Variants in SCCPDH observed in about 807,000 individuals in gnomAD.
SCCPDH encodes the protein saccharopine dehydrogenase (putative), also known as saccharopine dehydrogenase-like oxidoreductase.
SCCPDH carries 34 observed loss-of-function variants against 51.5 expected under a neutral mutation model. The observed-to-expected ratio is 0.66, with a 90% confidence interval of 0.50 to 0.88. The LOEUF (loss-of-function observed/expected upper bound fraction) is 0.88. Among genes scored for constraint, SCCPDH ranks in the 40% least tolerant of loss-of-function variants. The pLI is 0.00. For missense variants in SCCPDH, 464 were observed against 527.1 expected (o/e 0.88, Z 1.17); for synonymous variants, 187 against 191.3 (o/e 0.98, Z 0.19).
intron 4 of SCCPDH, among the ~76,000 whole-genome samples, chr1:246,742,023 C>T (rs12143299): frequency 0.051 from 7,814 of 152,280 alleles, 263 homozygotes; most frequent in African/African-American, 0.077. Context: ...GAGCTGAGAT[C>T]GCGCTGTTGC....
intron 9 of SCCPDH, among the ~76,000 whole-genome samples, chr1:246,762,522 CA>C (rs1393755715): frequency 6.6e-6 from 1 of 152,142 alleles, no homozygotes; most frequent in Non-Finnish European, 1.5e-5. Context: ...ACTGCTTTGG[CA>C]GTGATTCTTA....
intron 3 of SCCPDH, among the ~76,000 whole-genome samples, chr1:246,737,785 T>A (rs1572295470): frequency 6.6e-6 from 1 of 151,648 alleles, no homozygotes; most frequent in Non-Finnish European, 1.5e-5. Context: ...AGTGACAGGG[T>A]TTCACCGTGT....
In SCCPDH at chr1:246,767,530, T is replaced by A. The variant is rs1669103951; in HGVS notation, c.*230T>A. ...CAGAGAACTCATATTTGACATATTTTTTTCATTGATGTGTTCCTGGTAGAT... is the reference window on the plus strand; with the variant it reads ...CAGAGAACTCATATTTGACATATTTATTTCATTGATGTGTTCCTGGTAGAT... On this transcript the variant is annotated 3_prime_UTR_variant, in exon 12 of 12. Coordinates refer to ENST00000366510, the MANE Select transcript of SCCPDH (RefSeq NM_016002.3). 3.5e-6 allele frequency: 1 copy of A among 284,588 alleles called. No individual in the cohort carries two copies. Among genetic ancestry groups the A allele is most frequent in the Admixed American group, 5.2e-5 (1 of 19,304 alleles). The allele number at this position is 284,588 out of a possible 1,614,324, so 17.6% of individuals were successfully genotyped here. A position where few individuals can be genotyped will look rare whatever the true frequency, so the allele number is the denominator to read the frequency against.
chr1:246,739,251 T>A (rs1269036762), intron 3 of SCCPDH, among the ~76,000 whole-genome samples: 7 of 152,176 alleles, frequency 4.6e-5, no homozygotes, highest in Admixed American at 4.6e-4. Flanking sequence ...TGGTAAATCA[T>A]GTTGACAGTG....
chr1:246,764,418 AT>A (rs1343231817), intron 10 of SCCPDH, 61 bp downstream of exon 10: 1 of 850,240 alleles, frequency 1.2e-6, no homozygotes, highest in African/African-American at 1.7e-5. Context: ...ATAAAGTACA[AT>A]GCCATTACAA....
At chr1:246,749,621 T>C (rs1018480246) in intron 5 of SCCPDH, among the ~76,000 whole-genome samples, 6 of 152,140 alleles carry the variant, frequency 3.9e-5, no homozygotes, top group African/African-American at 7.2e-5. Flanking sequence ...GTAAAATGAA[T>C]GTATGGTTTT....
intron 2 of SCCPDH, among the ~76,000 whole-genome samples, chr1:246,732,344 A>C (rs551607934): frequency 6.6e-6 from 1 of 152,168 alleles, no homozygotes; most frequent in East Asian, 1.9e-4. Flanking sequence ...AACTGAATTG[A>C]TAAAACTTGG....
chr1:246,731,766 A>T (rs976459489), intron 2 of SCCPDH, among the ~76,000 whole-genome samples: 7 of 152,148 alleles, frequency 4.6e-5, no homozygotes, highest in African/African-American at 1.7e-4. Context: ...CACAACATGC[A>T]GGCTCGTTAC....
rs747173513 is a variant in SCCPDH, at chr1:246,760,023, C to T, written c.880C>T (p.Leu294Phe). 6.2e-7 allele frequency: 1 copy of T among 1,613,670 alleles called. No individual in the cohort carries two copies. Among genetic ancestry groups the T allele is most frequent in the Non-Finnish European group, 8.5e-7 (1 of 1,179,776 alleles). Reference protein sequence around the residue: ...TSVIKLMFAGLFFLFFVRFGI... With the variant: ...TSVIKLMFAGFFFLFFVRFGI... Reference sequence around the variant, plus strand: ...TGTTATTAAGCTGATGTTTGCAGGACTTTTCTTTTTGTTCTTTGTGAGGTT... The same window carrying T: ...TGTTATTAAGCTGATGTTTGCAGGATTTTTCTTTTTGTTCTTTGTGAGGTT... Residue 294 changes from leucine to phenylalanine, a missense_variant, in exon 8 of 12, where the codon CTT becomes TTT. Leu to Phe is a conservative substitution (Grantham distance 22). Transcript: ENST00000366510.
intron 2 of SCCPDH, among the ~76,000 whole-genome samples, chr1:246,728,878 G>A (rs1558165865): frequency 1.3e-5 from 2 of 152,156 alleles, no homozygotes; most frequent in African/African-American, 2.4e-5. Flanking sequence ...TATTATCGGG[G>A]GAACCAGCCC....
chr1:246,767,381 C>T lies in SCCPDH; in HGVS notation c.*81C>T, dbSNP rs114509846. On this transcript the variant is annotated 3_prime_UTR_variant, in exon 12 of 12. Transcript: ENST00000366510. Reference sequence around the variant, plus strand: ...TGATATTTGAAATTCTTCTGTAAGCCTGTCTGAGTGTATGTGGAAACGATT... The same window carrying T: ...TGATATTTGAAATTCTTCTGTAAGCTTGTCTGAGTGTATGTGGAAACGATT... The T allele has an allele frequency of 5.7e-3, 4,326 of 756,722 alleles. 155 individuals carry two copies. In the African/African-American group the frequency reaches 0.07, roughly 12 times the overall value. The allele number at this position is 756,722 out of a possible 1,614,324, so 46.9% of individuals were successfully genotyped here. A position where few individuals can be genotyped will look rare whatever the true frequency, so the allele number is the denominator to read the frequency against.
intron 5 of SCCPDH, among the ~76,000 whole-genome samples, chr1:246,751,041 GT>G (rs1184729241): frequency 2.0e-5 from 3 of 152,172 alleles, no homozygotes; most frequent in African/African-American, 7.2e-5. Context: ...CTCATAAGGG[GT>G]TTGGATAACA....
intron 5 of SCCPDH, among the ~76,000 whole-genome samples, chr1:246,747,712 T>C (rs577163866): frequency 1.3e-5 from 2 of 152,266 alleles, no homozygotes; most frequent in South Asian, 2.1e-4. Flanking sequence ...GACTGCAGTC[T>C]AAGCTAATTC....
At chr1:246,728,721 CAG>C (rs1222415955) in intron 2 of SCCPDH, among the ~76,000 whole-genome samples, 2 of 152,024 alleles carry the variant, frequency 1.3e-5, no homozygotes, top group Non-Finnish European at 2.9e-5. Flanking sequence ...TGGTTAATAA[CAG>C]AATTTCTTTC....
At position 246,766,092 on chromosome 1, in the gene SCCPDH, T is replaced by G. The variant is rs993537927; in HGVS notation, c.1137T>G (p.Val379=). 3 of 1,613,592 alleles carry G rather than the reference T, an allele frequency of 1.9e-6. No individual in the cohort carries two copies. The highest frequency in any genetic ancestry group is 1.7e-6 in the Non-Finnish European group (2 of 1,179,804). ...AGYVATPIAM[V]QAAMTLLSDA... Reference sequence around the variant, plus strand: ...ATGTGGCTACCCCCATAGCTATGGTTCAGGCAGCCATGACTCTTCTAAGTG... The same window carrying G: ...ATGTGGCTACCCCCATAGCTATGGTGCAGGCAGCCATGACTCTTCTAAGTG... The change falls in exon 11 of 12, where the codon GTT becomes GTG. Residue 379 remains valine, a synonymous_variant. Coordinates refer to ENST00000366510, the MANE Select transcript of SCCPDH (RefSeq NM_016002.3).
intron 5 of SCCPDH, among the ~76,000 whole-genome samples, chr1:246,745,481 A>G (rs149695834): frequency 1.6e-3 from 251 of 152,332 alleles, no homozygotes; most frequent in African/African-American, 5.9e-3. Context: ...TAAAGAGATC[A>G]GATGAAATAC....
intron 3 of SCCPDH, among the ~76,000 whole-genome samples, chr1:246,739,048 TGTGTGTGATTGTGTTC>T (rs1414998069): frequency 6.6e-6 from 1 of 152,108 alleles, no homozygotes; most frequent in African/African-American, 2.4e-5. Context: ...AGCAAGTGTG[TGTGTGTGATTGTGTTC>T]GTGTGTGTTT....
chr1:246,728,797 G>A (rs1203502680), intron 2 of SCCPDH, among the ~76,000 whole-genome samples: 3 of 151,986 alleles, frequency 2.0e-5, no homozygotes, highest in Non-Finnish European at 2.9e-5. Flanking sequence ...ATCATACCCT[G>A]TAGTCTGCCA....
At chr1:246,731,135 G>A (rs1163206145) in intron 2 of SCCPDH, among the ~76,000 whole-genome samples, 12 of 152,186 alleles carry the variant, frequency 7.9e-5, no homozygotes, top group Non-Finnish European at 1.8e-4. Context: ...TGGCCTCACA[G>A]GGGAGAAGTG....
Sources: allele counts gnomAD v4.1 joint callset (sites outside exome capture counted in the v4.1 genomes callset), GRCh38; gene constraint gnomAD v4.1.1; transcripts MANE v1.5; gene names NCBI Gene and HGNC (gene_info 2026-07-23, HGNC 2026-07-21).